TBC1D30: variants seen among roughly 807,000 people sequenced by gnomAD.
TBC1D30 encodes TBC1 domain family member 30.
TBC1D30 carries 31 observed loss-of-function variants against 63.2 expected under a neutral mutation model. That is an observed-to-expected ratio of 0.49 (90% CI 0.37 to 0.66). TBC1D30 has a LOEUF of 0.66. Among genes scored for constraint, TBC1D30 ranks in the 30% least tolerant of loss-of-function variants. The pLI, the probability that TBC1D30 is intolerant of heterozygous loss-of-function variation, is 0.00. For missense variants in TBC1D30, 810 were observed against 953.6 expected (o/e 0.85, Z 1.98); for synonymous variants, 307 against 361.5 (o/e 0.85, Z 1.71).
At chr12:64,869,128 C>A (rs1878451815) in intron 10 of TBC1D30, among the ~76,000 whole-genome samples, 1 of 152,120 alleles carries the variant, frequency 6.6e-6, no homozygotes, top group Admixed American at 6.5e-5. Flanking sequence ...AGTTTGAAGA[C>A]CATTCTCCTT....
At chr12:64,838,085 T>G (rs891568607) in intron 6 of TBC1D30, among the ~76,000 whole-genome samples, 1 of 152,204 alleles carries the variant, frequency 6.6e-6, no homozygotes, top group African/African-American at 2.4e-5. Flanking sequence ...TACTATGTTT[T>G]TTAATAAATT....
chr12:64,775,175 C>T (rs1295081694), intron 1 of TBC1D30, among the ~76,000 whole-genome samples: 1 of 151,570 alleles, frequency 6.6e-6, no homozygotes, highest in African/African-American at 2.4e-5. Flanking sequence ...TGCAAAAACA[C>T]ACTGTAGTAC....
intron 1 of TBC1D30, among the ~76,000 whole-genome samples, chr12:64,785,616 G>A (rs1354074597): frequency 6.6e-6 from 1 of 152,158 alleles, no homozygotes; most frequent in African/African-American, 2.4e-5. Flanking sequence ...AGCTAGATAT[G>A]GTAAAAGTAG....
In TBC1D30 at chr12:64,836,481, T is replaced by C. The variant is rs1875364092; in HGVS notation, c.595-9T>C. The C allele has an allele frequency of 2.0e-6, 3 of 1,531,896 alleles. No individual in the cohort carries two copies. In the African/African-American group the frequency reaches 4.1e-5, roughly 21 times the overall value. 94.9% of individuals were successfully genotyped at this position (1,531,896 alleles called of 1,614,324 possible). A position where few individuals can be genotyped will look rare whatever the true frequency, so the allele number is the denominator to read the frequency against. On this transcript the variant is annotated splice_polypyrimidine_tract_variant and intron_variant, in intron 5 of 11. Coordinates refer to ENST00000539867, the MANE Select transcript of TBC1D30 (RefSeq NM_015279.2). ...AAAGCAGTCTTAAGCTTTATCTTTTTTTCTTTAGATTATGATTTACCTTAT... is the reference window on the plus strand; with the variant it reads ...AAAGCAGTCTTAAGCTTTATCTTTTCTTCTTTAGATTATGATTTACCTTAT...
intron 8 of TBC1D30, among the ~76,000 whole-genome samples, chr12:64,855,375 T>C (rs185354864): frequency 6.6e-6 from 1 of 152,312 alleles, no homozygotes; most frequent in East Asian, 1.9e-4. Context: ...CTTCTCTTGG[T>C]TTGGGAAGTT....
At chr12:64,802,342 T>TG (rs774436925) in intron 2 of TBC1D30, among the ~76,000 whole-genome samples, 5 of 152,142 alleles carry the variant, frequency 3.3e-5, no homozygotes, top group Non-Finnish European at 7.4e-5. Context: ...CCTCGAGCTC[T>TG]GGGTGGAGAC....
chr12:64,875,257 T>C lies in TBC1D30; in HGVS notation c.1755T>C (p.Cys585=). ...CAAGGACCAAGAGTCATCCGGGCTG[T>C]GGGGACACCGTAGGGCTGATAGATG... is the stretch of plus-strand genomic sequence containing the variant. ...NMPRTKSHPG[C]GDTVGLIDEQ... Residue 585 remains cysteine (C), a synonymous_variant, in exon 12 of 12, where the codon TGT becomes TGC. Transcript: ENST00000539867. The C allele has an allele frequency of 3.9e-6, 6 of 1,536,242 alleles. No homozygotes were observed. Among genetic ancestry groups the C allele is most frequent in the Non-Finnish European group, 5.2e-6 (6 of 1,146,900 alleles).
rs146284720 is a variant in TBC1D30 at position 64,760,849 on chromosome 12, T to C, written c.-376+1200T>C. On this transcript the variant is annotated intron_variant, in intron 1 of 13. Transcript: ENST00000674237. ...TTATGCAAAAAAAAAAAAATTACCTTTATTACTTTGTTTTTTTCACACAGA... is the reference window on the plus strand; with the variant it reads ...TTATGCAAAAAAAAAAAAATTACCTCTATTACTTTGTTTTTTTCACACAGA... Among the ~76,000 whole-genome samples, 680 of 152,124 alleles carry C rather than the reference T, an allele frequency of 4.5e-3. 3 individuals are homozygous for C. Among genetic ancestry groups the C allele is most frequent in the African/African-American group, 0.016 (658 of 41,480 alleles).
In TBC1D30 at chr12:64,879,512, G is replaced by A. The variant is rs1879320995; in HGVS notation, c.*3724G>A. 6.6e-6 allele frequency: 1 copy of A among 152,204 alleles called. No individual in the cohort carries two copies. The highest frequency in any genetic ancestry group is 1.5e-5 in the Non-Finnish European group (1 of 68,042). The allele number at this position is 152,204 out of a possible 1,614,324, so 9.4% of individuals were successfully genotyped here. A position where few individuals can be genotyped will look rare whatever the true frequency, so the allele number is the denominator to read the frequency against. Reference sequence around the variant, plus strand: ...ATTCTTAAAGGTTGGAGTTATACAAGTAGTGAATGAGAATGCCTGCTTCTC... The same window carrying A: ...ATTCTTAAAGGTTGGAGTTATACAAATAGTGAATGAGAATGCCTGCTTCTC... On this transcript the variant is annotated 3_prime_UTR_variant, in exon 12 of 12. Coordinates refer to ENST00000539867, the MANE Select transcript of TBC1D30 (RefSeq NM_015279.2).
Position 64,876,324 on chromosome 12 carries a change from A to T in TBC1D30, c.*536A>T, listed in dbSNP as rs1275542276. 3 of 153,494 alleles carry T rather than the reference A, an allele frequency of 2.0e-5. No individual in the cohort carries two copies. The highest frequency in any genetic ancestry group is 2.9e-5 in the Non-Finnish European group (2 of 69,450). The allele number at this position is 153,494 out of a possible 1,614,324, so 9.5% of individuals were successfully genotyped here. A position where few individuals can be genotyped will look rare whatever the true frequency, so the allele number is the denominator to read the frequency against. On this transcript the variant is annotated 3_prime_UTR_variant, in exon 12 of 12. Coordinates refer to ENST00000539867, the MANE Select transcript of TBC1D30 (RefSeq NM_015279.2). The stretch of plus-strand genomic sequence containing the variant: ...AGATTTCCCACAGTACCAGTTTCAA[A>T]TTTTTTTTTTATTCTTATGCTAAAT...
intron 1 of TBC1D30, among the ~76,000 whole-genome samples, chr12:64,767,557 A>G (rs1480428938): frequency 2.6e-5 from 4 of 152,192 alleles, no homozygotes; most frequent in African/African-American, 4.8e-5. Context: ...TACAGAATGA[A>G]CAACAAAAGA....
At chr12:64,815,484 G>A (rs764869250) in intron 2 of TBC1D30, among the ~76,000 whole-genome samples, 15 of 152,158 alleles carry the variant, frequency 9.9e-5, no homozygotes, top group East Asian at 5.8e-4. Flanking sequence ...AGAATCCTGC[G>A]TCTCTACTTT....
chr12:64,838,098 G>T (rs1375310076), intron 6 of TBC1D30, among the ~76,000 whole-genome samples: 1 of 152,060 alleles, frequency 6.6e-6, no homozygotes, highest in Non-Finnish European at 1.5e-5. Context: ...AATAAATTTA[G>T]AAATTTCAAA....
intron 2 of TBC1D30, among the ~76,000 whole-genome samples, chr12:64,796,315 T>C (rs901006033): frequency 6.6e-6 from 1 of 152,172 alleles, no homozygotes; most frequent in Non-Finnish European, 1.5e-5. Flanking sequence ...AAAGGGAAAC[T>C]TGGAAAAGTT....
chr12:64,861,582 A>T (rs1877795906), intron 8 of TBC1D30, among the ~76,000 whole-genome samples: 1 of 151,970 alleles, frequency 6.6e-6, no homozygotes, highest in South Asian at 2.1e-4. Flanking sequence ...CCCCTTGTAG[A>T]TCACTGTTTT....
intron 2 of TBC1D30, among the ~76,000 whole-genome samples, chr12:64,801,961 AT>A (rs1872600765): frequency 6.6e-6 from 1 of 151,982 alleles, no homozygotes; most frequent in Non-Finnish European, 1.5e-5. Flanking sequence ...TTTGCTGTGA[AT>A]TTTTACTTTC....
chr12:64,816,779 T>A (rs1873564724), intron 2 of TBC1D30, among the ~76,000 whole-genome samples: 1 of 152,108 alleles, frequency 6.6e-6, no homozygotes, highest in South Asian at 2.1e-4. Context: ...TTCTCTCTTT[T>A]CTTTCCCTCC....
intron 8 of TBC1D30, among the ~76,000 whole-genome samples, chr12:64,846,147 G>A (rs1254273281): frequency 6.6e-6 from 1 of 151,312 alleles, no homozygotes; most frequent in African/African-American, 2.4e-5. Context: ...CCCACTCTTT[G>A]AGTTGTCTCT....
At chr12:64,853,309 C>T (rs778377034) in intron 8 of TBC1D30, among the ~76,000 whole-genome samples, 9 of 152,192 alleles carry the variant, frequency 5.9e-5, no homozygotes, top group Non-Finnish European at 1.2e-4. Context: ...ACCACCTACT[C>T]AAGCCTCAGT....
Sources: allele counts gnomAD v4.1 joint callset (sites outside exome capture counted in the v4.1 genomes callset), GRCh38; gene constraint gnomAD v4.1.1; transcripts MANE v1.5; gene names NCBI Gene and HGNC (gene_info 2026-07-23, HGNC 2026-07-21).